The following FUT9 variants were observed in gnomAD, a reference collection of about 807,000 sequenced individuals.
The protein encoded by FUT9 is fucosyltransferase 9, also known as 4-galactosyl-N-acetylglucosaminide 3-alpha-L-fucosyltransferase 9.
Under a neutral mutation model 29.7 loss-of-function variants are expected in FUT9, and 15 were observed. The ratio of observed to expected loss-of-function variants is 0.51; its 90% CI spans 0.34 to 0.78. The LOEUF is 0.78. Among genes scored for constraint, FUT9 ranks in the 30% least tolerant of loss-of-function variants. FUT9 has a pLI of 0.01. For synonymous variants in FUT9, 169 were observed against 153.7 expected (o/e 1.10, Z -0.74); for missense variants, 319 against 425.4 (o/e 0.75, Z 2.20).
intron 1 of FUT9, among the ~76,000 whole-genome samples, chr6:96,071,108 T>G (rs1018926709): frequency 2.0e-5 from 3 of 152,236 alleles, no homozygotes; most frequent in African/African-American, 7.2e-5. Flanking sequence ...CTTTGAAATC[T>G]AATTTTGCAT....
chr6:96,080,168 T>C (rs1243709049), intron 1 of FUT9, among the ~76,000 whole-genome samples: 1 of 151,972 alleles, frequency 6.6e-6, no homozygotes, highest in Non-Finnish European at 1.5e-5. Flanking sequence ...TTTTTGCTAG[T>C]TTCTATGATC....
chr6:96,192,607 C>T lies in FUT9; in HGVS notation c.-8-10541C>T, dbSNP rs150172593. 8.6e-3 allele frequency among the ~76,000 whole-genome samples: 1,309 copies of T among 152,196 alleles called. 19 individuals are homozygous for T. Among genetic ancestry groups the T allele is most frequent in the African/African-American group, 0.03 (1,242 of 41,514 alleles). ...GCTCATGGACAGGAAGAATCAATAT[C>T]GTGAAAATGGCCATACTGTCCAAGG... On this transcript the variant is annotated intron_variant, in intron 2 of 2. Coordinates refer to ENST00000302103, the MANE Select transcript of FUT9 (RefSeq NM_006581.4).
At chr6:96,080,471 C>T (rs1771216191) in intron 1 of FUT9, among the ~76,000 whole-genome samples, 1 of 151,812 alleles carries the variant, frequency 6.6e-6, no homozygotes, top group Non-Finnish European at 1.5e-5. Context: ...TCTTTGCCTA[C>T]TTATTAAATG....
chr6:96,162,867 T>C (rs1185983645), intron 2 of FUT9, among the ~76,000 whole-genome samples: 3 of 152,222 alleles, frequency 2.0e-5, no homozygotes, highest in African/African-American at 7.2e-5. Context: ...TATTCTTTAA[T>C]CTTATGATTA....
intron 1 of FUT9, among the ~76,000 whole-genome samples, chr6:96,080,929 T>C (rs1363615444): frequency 2.6e-5 from 4 of 152,102 alleles, no homozygotes; most frequent in African/African-American, 9.6e-5. Flanking sequence ...ACATGTACCC[T>C]GTTTATTGAA....
rs1170962109 is a variant in FUT9 at position 96,205,719 on chromosome 6, T to A, written c.*1484T>A. Reference sequence around the variant, plus strand: ...AGTGCCTTTATTCCTTTCAGGCCAATAATCCACCCAAAAATTAGAATGTTC... The same window carrying A: ...AGTGCCTTTATTCCTTTCAGGCCAAAAATCCACCCAAAAATTAGAATGTTC... On this transcript the variant is annotated 3_prime_UTR_variant, in exon 3 of 3. Transcript: ENST00000302103. 1 of 166,398 alleles carries A rather than the reference T, an allele frequency of 6.0e-6. No individual in the cohort carries two copies. Among genetic ancestry groups the A allele is most frequent in the Non-Finnish European group, 1.5e-5 (1 of 68,090 alleles). The allele number at this position is 166,398 out of a possible 1,614,324, so 10.3% of individuals were successfully genotyped here. A position where few individuals can be genotyped will look rare whatever the true frequency, so the allele number is the denominator to read the frequency against.
intron 1 of FUT9, among the ~76,000 whole-genome samples, chr6:96,105,400 A>G (rs9390855): frequency 0.17 from 25,997 of 152,146 alleles, 2,430 homozygotes; most frequent in Non-Finnish European, 0.19. Flanking sequence ...AGGCATTTTG[A>G]TTTTTAAAAA....
At chr6:96,082,674 A>G (rs559037173) in intron 1 of FUT9, among the ~76,000 whole-genome samples, 2 of 151,916 alleles carry the variant, frequency 1.3e-5, no homozygotes, top group Non-Finnish European at 2.9e-5. Flanking sequence ...TTTAAAAATT[A>G]GTTTTCAATT....
intron 1 of FUT9, among the ~76,000 whole-genome samples, chr6:96,038,099 T>C (rs539614968): frequency 5.9e-5 from 9 of 152,266 alleles, no homozygotes; most frequent in African/African-American, 1.9e-4. Context: ...GTAAGATGTA[T>C]AAGATGACAA....
At chr6:96,148,845 G>A (rs1022205661) in intron 2 of FUT9, among the ~76,000 whole-genome samples, 9 of 152,118 alleles carry the variant, frequency 5.9e-5, no homozygotes, top group African/African-American at 2.2e-4. Flanking sequence ...GGCTTAAAAT[G>A]TGGGCTGTTA....
chr6:96,125,370 A>G (rs1772115364), intron 2 of FUT9, among the ~76,000 whole-genome samples: 1 of 152,226 alleles, frequency 6.6e-6, no homozygotes, highest in Admixed American at 6.5e-5. Flanking sequence ...AGGGATAAGA[A>G]TAATTCCTTC....
chr6:96,083,804 C>T (rs550401403), intron 1 of FUT9, among the ~76,000 whole-genome samples: 3 of 152,142 alleles, frequency 2.0e-5, no homozygotes, highest in East Asian at 1.9e-4. Context: ...TTAAGTACTG[C>T]GTTCGATATA....
In FUT9 at chr6:96,212,470, A is replaced by G. The variant is rs1773956463; in HGVS notation, c.*8235A>G. 2.4e-6 allele frequency: 1 copy of G among 410,208 alleles called. No homozygotes were observed. 25.4% of individuals were successfully genotyped at this position (410,208 alleles called of 1,614,324 possible). A position where few individuals can be genotyped will look rare whatever the true frequency, so the allele number is the denominator to read the frequency against. ...ATCTATCTTGAATATTTCATATGTG[A>G]TTTTAAAATAATTAATCAAAAAACA... On this transcript the variant is annotated 3_prime_UTR_variant, in exon 3 of 3. Coordinates refer to ENST00000302103, the MANE Select transcript of FUT9 (RefSeq NM_006581.4).
chr6:96,198,847 T>G (rs1254002563), intron 2 of FUT9, among the ~76,000 whole-genome samples: 1 of 152,194 alleles, frequency 6.6e-6, no homozygotes, highest in Admixed American at 6.5e-5. Flanking sequence ...GTGGTTTTGA[T>G]TTGCATTTCT....
At chr6:96,200,495 G>A (rs989148012) in intron 2 of FUT9, among the ~76,000 whole-genome samples, 1 of 152,096 alleles carries the variant, frequency 6.6e-6, no homozygotes, top group Non-Finnish European at 1.5e-5. Flanking sequence ...AGGGGTTCTA[G>A]AAGGATTAAA....
intron 1 of FUT9, among the ~76,000 whole-genome samples, chr6:96,080,926 C>T (rs1038613689): frequency 3.3e-5 from 5 of 151,882 alleles, no homozygotes; most frequent in African/African-American, 9.7e-5. Context: ...ACAACATGTA[C>T]CCTGTTTATT....
At chr6:96,165,428 C>T (rs1459783966) in intron 2 of FUT9, among the ~76,000 whole-genome samples, 1 of 118,982 alleles carries the variant, frequency 8.4e-6, no homozygotes, top group African/African-American at 2.7e-5. Context: ...GAGACTCCAT[C>T]TCAAAAAGAA....
At chr6:96,197,928 C>T (rs185320795) in intron 2 of FUT9, among the ~76,000 whole-genome samples, 106 of 152,274 alleles carry the variant, frequency 7.0e-4, no homozygotes, top group Non-Finnish European at 1.1e-3. Context: ...TACCTACCTC[C>T]ACCAAAAATC....
intron 1 of FUT9, among the ~76,000 whole-genome samples, chr6:96,025,939 T>C (rs1770159577): frequency 6.6e-6 from 1 of 151,704 alleles, no homozygotes; most frequent in Non-Finnish European, 1.5e-5. Flanking sequence ...ATTTTGGTCC[T>C]GTTCCCTGGG....
Sources: allele counts gnomAD v4.1 joint callset (sites outside exome capture counted in the v4.1 genomes callset), GRCh38; gene constraint gnomAD v4.1.1; transcripts MANE v1.5; gene names NCBI Gene and HGNC (gene_info 2026-07-23, HGNC 2026-07-21).